TTLL11: variants seen among roughly 807,000 people sequenced by gnomAD.
The protein encoded by TTLL11 is tubulin tyrosine ligase like 11.
TTLL11 carries 42 observed loss-of-function variants against 51.7 expected under a neutral mutation model. That is an observed-to-expected ratio of 0.81 (90% confidence interval 0.64 to 1.05). The LOEUF (loss-of-function observed/expected upper bound fraction) is 1.05. TTLL11 is among the 50% of genes least tolerant of loss of function. TTLL11 has a pLI of 0.00. For missense variants in TTLL11, 799 were observed against 940.4 expected (o/e 0.85, Z 1.97); for synonymous variants, 381 against 383.5 (o/e 0.99, Z 0.08).
At position 121,974,074 on chromosome 9, in the gene TTLL11, C is replaced by T. The variant is rs1323961860; in HGVS notation, c.1416G>A (p.Val472=). ...ENVPSLVDEE[V]KVAVIRDTLR... is the part of the protein sequence containing the mutation. ...GAGTGTCTCTGATCACAGCCACTTT[C>T]ACTTCTTCATCAACGAGGCTGGGGA... The change falls in exon 6 of 9, where the codon GTG becomes GTA. Residue 472 remains valine, a synonymous_variant. Coordinates refer to ENST00000321582, the MANE Select transcript of TTLL11 (RefSeq NM_001139442.2). 1 of 1,551,750 alleles carries T rather than the reference C, an allele frequency of 6.4e-7. No homozygotes were observed. Among genetic ancestry groups the T allele is most frequent in the South Asian group, 1.2e-5 (1 of 84,060 alleles).
At chr9:122,057,178 C>G (rs1259445031) in intron 1 of TTLL11, among the ~76,000 whole-genome samples, 4 of 152,110 alleles carry the variant, frequency 2.6e-5, no homozygotes, top group Admixed American at 6.5e-5. Context: ...CATTTTACTG[C>G]CTGTAGATTT....
In TTLL11 at chr9:121,995,326, C is replaced by T. The variant is rs2131707791; in HGVS notation, c.694-5556G>A. 6.6e-6 allele frequency among the ~76,000 whole-genome samples: 1 copy of T among 152,296 alleles called. No individual in the cohort carries two copies. The highest frequency in any genetic ancestry group is 2.1e-4 in the South Asian group (1 of 4,828). On this transcript the variant is annotated intron_variant, in intron 3 of 8. Transcript: ENST00000321582. The surrounding 1 kb of genome is among the most constrained non-coding windows in gnomAD (Gnocchi z 4.4). ...TGGCGAGGGACATGCATCCACGCAT[C>T]ACCAGGGCACCCAGGAGGAAGATAG...
chr9:121,966,258 A>T (rs894942216), intron 6 of TTLL11, among the ~76,000 whole-genome samples: 3 of 152,218 alleles, frequency 2.0e-5, no homozygotes, highest in Admixed American at 6.5e-5. Flanking sequence ...TTCCAAATAT[A>T]TACCTCTGAA....
At chr9:121,832,672 G>A (rs1837055453) in intron 8 of TTLL11, among the ~76,000 whole-genome samples, 1 of 152,188 alleles carries the variant, frequency 6.6e-6, no homozygotes, top group South Asian at 2.1e-4. Flanking sequence ...AGGTGCAGTG[G>A]CTCATGCCTG....
chr9:121,974,845 G>A (rs748743535), intron 5 of TTLL11, 39 bp downstream of exon 5: 15 of 1,430,962 alleles, frequency 1.0e-5, no homozygotes, highest in Admixed American at 2.1e-5. Context: ...ATATTCAGCT[G>A]TATGGCAACA....
At chr9:121,906,383 T>C (rs1839950393) in intron 6 of TTLL11, among the ~76,000 whole-genome samples, 1 of 152,092 alleles carries the variant, frequency 6.6e-6, no homozygotes, top group Non-Finnish European at 1.5e-5. Flanking sequence ...AACCCTCCCC[T>C]GATCCCTCCA....
intron 3 of TTLL11, among the ~76,000 whole-genome samples, chr9:121,998,540 C>T (rs1292268963): frequency 6.6e-6 from 1 of 151,986 alleles, no homozygotes; most frequent in Non-Finnish European, 1.5e-5. Flanking sequence ...CCCGCCTCGA[C>T]CTCCCAAAGT....
intron 6 of TTLL11, among the ~76,000 whole-genome samples, chr9:121,872,962 T>C (rs1036734357): frequency 6.6e-6 from 1 of 152,172 alleles, no homozygotes; most frequent in Non-Finnish European, 1.5e-5. Context: ...GCTTTTCAGT[T>C]GAAATGAAAT....
rs1217071287 is a variant in TTLL11, at chr9:121,870,496, C to T, written c.1733+1G>A. On this transcript the variant is annotated splice_donor_variant, in intron 7 of 8. Transcript: ENST00000321582. LOFTEE classifies it high-confidence loss of function. ...AGCCAGAGGGGGCTGTTCTCACTGA[C>T]CTTATGAAGGTACGAAAGCCTGTTG... 1 of 1,551,290 alleles carries T rather than the reference C, an allele frequency of 6.4e-7. No homozygotes were observed. Among genetic ancestry groups the T allele is most frequent in the East Asian group, 2.4e-5 (1 of 40,910 alleles).
At chr9:121,991,813 T>A (rs970922090) in intron 3 of TTLL11, among the ~76,000 whole-genome samples, 28 of 152,238 alleles carry the variant, frequency 1.8e-4, no homozygotes, top group African/African-American at 6.7e-4. Context: ...ACTAGAAGAA[T>A]CCTCAGGGAT....
intron 6 of TTLL11, among the ~76,000 whole-genome samples, chr9:121,968,794 T>C (rs749463276): frequency 7.3e-5 from 11 of 151,174 alleles, no homozygotes; most frequent in Admixed American, 1.3e-4. Flanking sequence ...CTCCTGACCT[T>C]GTGATCTGCT....
intron 6 of TTLL11, among the ~76,000 whole-genome samples, chr9:121,874,058 G>A (rs913487978): frequency 6.6e-6 from 1 of 151,160 alleles, no homozygotes; most frequent in African/African-American, 2.4e-5. Context: ...CTACTAAATG[G>A]TTTGGCCAGG....
rs1837623180 is a variant in TTLL11 at position 121,850,063 on chromosome 9, A to G, written c.1840+10274T>C. ...TTTGTATTTTTAAAATTGTTATATT[A>G]TTTTTTATTTTTCTTAAAAAAAACC... On this transcript the variant is annotated intron_variant, in intron 8 of 8. Transcript: ENST00000321582. 4.7e-5 allele frequency among the ~76,000 whole-genome samples: 4 copies of G among 85,192 alleles called. No homozygotes were observed. The South Asian group carries it at 1.4e-3, about 30-fold the overall frequency. 55.9% of individuals were successfully genotyped at this position (85,192 alleles called of 152,430 possible). A position where few individuals can be genotyped will look rare whatever the true frequency, so the allele number is the denominator to read the frequency against.
At chr9:121,844,227 T>C (rs1837445501) in intron 8 of TTLL11, among the ~76,000 whole-genome samples, 1 of 151,830 alleles carries the variant, frequency 6.6e-6, no homozygotes, top group African/African-American at 2.4e-5. Flanking sequence ...TGGATTCCAA[T>C]TGAGAGAGAT....
rs1469583017 is a variant in TTLL11 at position 121,820,044 on chromosome 9, G to C, written c.*2543C>G. Among the ~76,000 whole-genome samples the C allele has an allele frequency of 1.3e-5, 2 of 152,186 alleles. No individual in the cohort carries two copies. The highest frequency in any genetic ancestry group is 2.9e-5 in the Non-Finnish European group (2 of 68,032). ...TGCCCTGCGGGTGGGTGGGGCTATC[G>C]GGGCCTTGTCTGCAGAGGAGGGGGC... On this transcript the variant is annotated 3_prime_UTR_variant, in exon 9 of 9. Transcript: ENST00000321582.
intron 2 of TTLL11, among the ~76,000 whole-genome samples, chr9:122,035,818 C>A (rs935098422): frequency 1.8e-4 from 27 of 152,196 alleles, no homozygotes; most frequent in African/African-American, 6.3e-4. Flanking sequence ...TTAAAAATTC[C>A]TCAGTGGCTC....
chr9:121,955,032 G>A lies in TTLL11; in HGVS notation c.1481+18977C>T, dbSNP rs529962658. ...ACTCAGCCCAAGACCTCGACTCCCA[G>A]CCAGTTCTCCTATGTGGTCAGAGCC... On this transcript the variant is annotated intron_variant, in intron 6 of 8. Coordinates refer to ENST00000321582, the MANE Select transcript of TTLL11 (RefSeq NM_001139442.2). Among the ~76,000 whole-genome samples the A allele has an allele frequency of 2.4e-3, 368 of 152,274 alleles. 2 individuals are homozygous for A. The highest frequency in any genetic ancestry group is 8.6e-3 in the African/African-American group (356 of 41,558).
In TTLL11 at chr9:121,826,213, T is replaced by C. The variant is rs1278005934; in HGVS notation, c.1841-3334A>G. Among the ~76,000 whole-genome samples, 139 of 108,530 alleles carry C rather than the reference T, an allele frequency of 1.3e-3. 14 individuals are homozygous for C. The highest frequency in any genetic ancestry group is 5.5e-3 in the African/African-American group (124 of 22,356). The allele number at this position is 108,530 out of a possible 152,430, so 71.2% of individuals were successfully genotyped here. A position where few individuals can be genotyped will look rare whatever the true frequency, so the allele number is the denominator to read the frequency against. ...ATATATATATATATATATATATATA[T>C]ATATGCACACATATATATATACACG... On this transcript the variant is annotated intron_variant, in intron 8 of 8. Coordinates refer to ENST00000321582, the MANE Select transcript of TTLL11 (RefSeq NM_001139442.2).
At chr9:121,876,154 G>C (rs1838555858) in intron 6 of TTLL11, among the ~76,000 whole-genome samples, 1 of 152,194 alleles carries the variant, frequency 6.6e-6, no homozygotes. Context: ...ATTTACACTT[G>C]GGACTGTCTC....
Sources: gnomAD v4.1 joint callset for allele counts (sites outside exome capture counted in the v4.1 genomes callset) on GRCh38, gnomAD v4.1.1 for gene constraint, Gnocchi (gnomAD v3.1) non-coding constraint, MANE v1.5 for transcripts, NCBI Gene and HGNC (gene_info 2026-07-23, HGNC 2026-07-21) for gene names.